The following GALNT8 variants were observed in gnomAD, a reference collection of about 807,000 sequenced individuals.
GALNT8 encodes polypeptide N-acetylgalactosaminyltransferase 8.
GALNT8 carries 66 observed loss-of-function variants against 62.7 expected under a neutral mutation model. That is an observed-to-expected ratio of 1.05 (90% confidence interval 0.86 to 1.29). The LOEUF is 1.29. Among genes scored for constraint, GALNT8 ranks in the 50% most tolerant of loss-of-function variants. GALNT8 has a pLI of 0.00. For missense variants in GALNT8, 771 were observed against 791.8 expected (o/e 0.97, Z 0.32); for synonymous variants, 288 against 294.3 (o/e 0.98, Z 0.22).
intron 10 of GALNT8, among the ~76,000 whole-genome samples, chr12:4,767,518 C>T (rs1031617727): frequency 2.0e-5 from 3 of 152,250 alleles, no homozygotes; most frequent in East Asian, 3.9e-4. Flanking sequence ...TGCAGGAGGG[C>T]GGAACTGAGA....
Position 4,763,488 on chromosome 12 carries a change from TTCC to T in GALNT8, c.1497+100_1497+102del, listed in dbSNP as rs1289285029. ...ATTGCCTGTCCTGCCCAAGACGCCC[TTCC>T]TACCTCAGCTTTCTACTCAGCTCTT... On this transcript the variant is annotated intron_variant, in intron 8 of 10. Coordinates refer to ENST00000252318, the MANE Select transcript of GALNT8 (RefSeq NM_017417.2). The T allele has an allele frequency of 7.3e-6, 7 of 959,200 alleles. No homozygotes were observed. In the African/African-American group the frequency reaches 9.7e-5, roughly 13 times the overall value. 59.4% of individuals were successfully genotyped at this position (959,200 alleles called of 1,614,324 possible).
At position 4,763,405 on chromosome 12, in the gene GALNT8, A is replaced by T. The variant is rs1265918287; in HGVS notation, c.1497+15A>T. Reference sequence around the variant, plus strand: ...GCTATGGAAGAGTATGTATTATGAAATTGCACTTTGGATTTTAAATGTTTG... The same window carrying T: ...GCTATGGAAGAGTATGTATTATGAATTTGCACTTTGGATTTTAAATGTTTG... On this transcript the variant is annotated intron_variant, in intron 8 of 10. Coordinates refer to ENST00000252318, the MANE Select transcript of GALNT8 (RefSeq NM_017417.2). 1.2e-6 allele frequency: 2 copies of T among 1,601,282 alleles called. No homozygotes were observed. The highest frequency in any genetic ancestry group is 1.7e-6 in the Non-Finnish European group (2 of 1,171,080).
chr12:4,745,554 G>A lies in GALNT8; in HGVS notation c.986G>A (p.Trp329Ter). The A allele has an allele frequency of 6.2e-7, 1 of 1,613,916 alleles. No individual in the cohort carries two copies. The highest frequency in any genetic ancestry group is 8.5e-7 in the Non-Finnish European group (1 of 1,179,856). ...GAACTGGCAGTTGATGGGTTTAACT[G>A]GGAACTCTGGTGCCGCTACGATGCA... is the stretch of plus-strand genomic sequence containing the variant. ...KYELAVDGFN[W>*]ELWCRYDALP... is the part of the protein sequence containing the mutation. The change falls in exon 5 of 11, where the codon TGG becomes TAG. Residue 329 changes from tryptophan to a stop codon, truncating the protein, a stop_gained. Transcript: ENST00000252318. LOFTEE classifies it high-confidence loss of function.
chr12:4,756,371 A>G (rs1394865047), intron 6 of GALNT8, among the ~76,000 whole-genome samples: 2 of 152,226 alleles, frequency 1.3e-5, no homozygotes, highest in African/African-American at 4.8e-5. Context: ...GTTTTTGTGC[A>G]ACATACAAGC....
rs750363187 is a variant in GALNT8, at chr12:4,746,241, G to A, written c.1156G>A (p.Val386Met). The A allele has an allele frequency of 2.5e-5, 40 of 1,597,040 alleles. No individual in the cohort carries two copies. Among genetic ancestry groups the A allele is most frequent in the Admixed American group, 3.3e-5 (2 of 59,980 alleles). Residue 386 changes from valine (V) to methionine (M), a missense_variant, in exon 6 of 11, where the codon GTG (valine) becomes ATG (methionine). By Grantham distance (21) the Val-to-Met change is conservative (BLOSUM62 1). Transcript: ENST00000252318. ...AATGCTCATCTATGGAGGAGAGAACGTGGAGCTTAGCCTGAGGGTGGGTAC... is the reference window on the plus strand; with the variant it reads ...AATGCTCATCTATGGAGGAGAGAACATGGAGCTTAGCCTGAGGGTGGGTAC... ...GGMLIYGGEN[V>M]ELSLRVWQCG...
chr12:4,734,364 C>T lies in GALNT8; in HGVS notation c.510-4799C>T, dbSNP rs1051362901. Among the ~76,000 whole-genome samples the T allele has an allele frequency of 2.6e-5, 4 of 152,174 alleles. No individual in the cohort carries two copies. In the East Asian group the frequency reaches 7.7e-4, roughly 29 times the overall value. ...GGAGCCTGGAAGAAATTCAGGATCTCAGACCCCGCTCAGACCTACTGATGA... is the reference window on the plus strand; with the variant it reads ...GGAGCCTGGAAGAAATTCAGGATCTTAGACCCCGCTCAGACCTACTGATGA... On this transcript the variant is annotated intron_variant, in intron 2 of 10. Transcript: ENST00000252318.
intron 2 of GALNT8, among the ~76,000 whole-genome samples, chr12:4,735,839 A>G (rs963473032): frequency 2.6e-5 from 4 of 152,198 alleles, no homozygotes; most frequent in Non-Finnish European, 5.9e-5. Context: ...GCAGTGGTGC[A>G]GAAGTTCTGT....
intron 2 of GALNT8, among the ~76,000 whole-genome samples, chr12:4,735,390 T>C (rs1245555583): frequency 2.8e-5 from 4 of 145,160 alleles, no homozygotes; most frequent in Admixed American, 1.4e-4. Flanking sequence ...TGGAAACTTC[T>C]CAAGGTTATC....
At chr12:4,747,382 C>G (rs1442872424) in intron 6 of GALNT8, among the ~76,000 whole-genome samples, 3 of 152,168 alleles carry the variant, frequency 2.0e-5, no homozygotes, top group Admixed American at 6.5e-5. Context: ...ACTACCCTTC[C>G]CGGCCTCTGG....
intron 6 of GALNT8, among the ~76,000 whole-genome samples, chr12:4,754,027 C>CA (rs1446725781): frequency 6.6e-6 from 1 of 152,186 alleles, no homozygotes; most frequent in Admixed American, 6.5e-5. Context: ...TTACGTCTCC[C>CA]AAACAAATGG....
intron 3 of GALNT8, among the ~76,000 whole-genome samples, chr12:4,741,878 G>A (rs1300027774): frequency 6.6e-6 from 1 of 152,216 alleles, no homozygotes; most frequent in African/African-American, 2.4e-5. Context: ...TACAGGGACA[G>A]GAATTAGAGA....
intron 2 of GALNT8, among the ~76,000 whole-genome samples, chr12:4,732,267 A>G (rs1946224996): frequency 6.6e-6 from 1 of 152,276 alleles, no homozygotes; most frequent in African/African-American, 2.4e-5. Flanking sequence ...CAGCTGTAGC[A>G]CATAGAACTT....
Position 4,761,094 on chromosome 12 carries a change from T to A in GALNT8, c.1310T>A (p.Met437Lys). 6.2e-7 allele frequency: 1 copy of A among 1,614,056 alleles called. No homozygotes were observed. The highest frequency in any genetic ancestry group is 8.5e-7 in the Non-Finnish European group (1 of 1,180,004). ...RNALRVAEIW[M>K]DEHKHMVYLA... Reference sequence around the variant, plus strand: ...GCTCTGCGAGTGGCCGAAATCTGGATGGATGAGCACAAACACATGGTCTAC... The same window carrying A: ...GCTCTGCGAGTGGCCGAAATCTGGAAGGATGAGCACAAACACATGGTCTAC... The change falls in exon 7 of 11, where the codon ATG becomes AAG. Residue 437 changes from methionine (M) to lysine (K), a missense_variant. By Grantham distance (95) the Met-to-Lys change is moderately conservative (BLOSUM62 -1). Coordinates refer to ENST00000252318, the MANE Select transcript of GALNT8 (RefSeq NM_017417.2).
At chr12:4,751,530 A>G (rs948773495) in intron 6 of GALNT8, among the ~76,000 whole-genome samples, 2 of 152,098 alleles carry the variant, frequency 1.3e-5, no homozygotes, top group African/African-American at 4.8e-5. Flanking sequence ...GTCATTCAGG[A>G]GCATATTGTT....
chr12:4,729,336 A>G (rs907234504), intron 2 of GALNT8, among the ~76,000 whole-genome samples: 2 of 152,184 alleles, frequency 1.3e-5, no homozygotes, highest in African/African-American at 4.8e-5. Flanking sequence ...GCTATTGACA[A>G]TAGTCACCAT....
chr12:4,745,937 A>T (rs1490647626), intron 5 of GALNT8, among the ~76,000 whole-genome samples: 1 of 152,200 alleles, frequency 6.6e-6, no homozygotes, highest in Non-Finnish European at 1.5e-5. Context: ...AAAAGGTGTA[A>T]TTTCAATATA....
chr12:4,722,391 G>A (rs1946174975), intron 1 of GALNT8, among the ~76,000 whole-genome samples: 1 of 152,200 alleles, frequency 6.6e-6, no homozygotes, highest in African/African-American at 2.4e-5. Context: ...CAGGTTCCTG[G>A]TCTGTAAATG....
intron 2 of GALNT8, among the ~76,000 whole-genome samples, chr12:4,734,183 C>T (rs1043862372): frequency 1.3e-5 from 2 of 152,148 alleles, no homozygotes; most frequent in African/African-American, 4.8e-5. Context: ...CTACTAACCA[C>T]CACCCTCACC....
intron 6 of GALNT8, among the ~76,000 whole-genome samples, chr12:4,757,235 A>T (rs1225161866): frequency 1.3e-5 from 2 of 152,220 alleles, no homozygotes. Context: ...AAAACAGACA[A>T]ATGCAGTGGT....
Sources: allele counts gnomAD v4.1 joint callset (sites outside exome capture counted in the v4.1 genomes callset), GRCh38; gene constraint gnomAD v4.1.1; transcripts MANE v1.5; gene names NCBI Gene and HGNC (gene_info 2026-07-23, HGNC 2026-07-21).